The following SNTG2 variants were observed in gnomAD, a reference collection of about 807,000 sequenced individuals.
SNTG2 encodes the protein gamma-2-syntrophin.
SNTG2 carries 74 observed loss-of-function variants against 70.9 expected under a neutral mutation model. The ratio of observed to expected loss-of-function variants is 1.04; its 90% confidence interval spans 0.86 to 1.27. The LOEUF is 1.27. SNTG2 is among the 50% of genes most tolerant of loss of function. The pLI is 0.00. For missense variants in SNTG2, 717 were observed against 690.7 expected (o/e 1.04, Z -0.43); for synonymous variants, 278 against 273.8 (o/e 1.02, Z -0.15).
At chr2:1,045,722 A>G (rs1661695871) in intron 1 of SNTG2, among the ~76,000 whole-genome samples, 3 of 152,018 alleles carry the variant, frequency 2.0e-5, no homozygotes, top group Non-Finnish European at 4.4e-5. Context: ...TTCTACTTTT[A>G]TTGTGCTGTA....
chr2:1,174,307 T>C (rs1211986371), intron 8 of SNTG2, among the ~76,000 whole-genome samples: 1 of 146,414 alleles, frequency 6.8e-6, no homozygotes, highest in African/African-American at 2.5e-5. Context: ...TATATATATA[T>C]ATGTAAAATT....
intron 16 of SNTG2, among the ~76,000 whole-genome samples, chr2:1,330,228 C>T (rs1204243378): frequency 1.3e-5 from 2 of 152,124 alleles, no homozygotes; most frequent in African/African-American, 4.8e-5. Flanking sequence ...CATGGGTCCC[C>T]TAAAAGGTCA....
chr2:1,260,780 G>A (rs1678372109), intron 13 of SNTG2, among the ~76,000 whole-genome samples: 2 of 152,160 alleles, frequency 1.3e-5, no homozygotes, highest in Non-Finnish European at 2.9e-5. Context: ...CATTTCCACA[G>A]AAGAATTCGT....
intron 1 of SNTG2, among the ~76,000 whole-genome samples, chr2:1,080,092 G>A (rs1038786033): frequency 3.3e-5 from 5 of 152,200 alleles, no homozygotes; most frequent in Non-Finnish European, 1.5e-5. Context: ...CCCCAGGGCG[G>A]TGGCGAGGGG....
chr2:1,014,932 G>A (rs949336969), intron 1 of SNTG2, among the ~76,000 whole-genome samples: 21 of 152,198 alleles, frequency 1.4e-4, no homozygotes, highest in Middle Eastern at 6.8e-3. Flanking sequence ...GCTAGAACCC[G>A]AGGGGCAGCC....
At chr2:1,005,430 G>C (rs1455477502) in intron 1 of SNTG2, among the ~76,000 whole-genome samples, 1 of 152,048 alleles carries the variant, frequency 6.6e-6, no homozygotes, top group Non-Finnish European at 1.5e-5. Flanking sequence ...GTGGGGGTAC[G>C]TGAATTCTCT....
intron 9 of SNTG2, among the ~76,000 whole-genome samples, chr2:1,223,660 G>C (rs1295008254): frequency 6.6e-6 from 1 of 152,224 alleles, no homozygotes; most frequent in Non-Finnish European, 1.5e-5. Flanking sequence ...CATTCGTATT[G>C]GGCCAAATTA....
chr2:1,177,981 T>A (rs1049606161), intron 8 of SNTG2, among the ~76,000 whole-genome samples: 22 of 152,172 alleles, frequency 1.4e-4, no homozygotes, highest in African/African-American at 5.3e-4. Flanking sequence ...CTTATCATTT[T>A]GTTGTTGTTC....
rs545012218 is a variant in SNTG2, at chr2:1,302,324, A to T, written c.1285-6170A>T. Among the ~76,000 whole-genome samples, 47 of 152,258 alleles carry T rather than the reference A, an allele frequency of 3.1e-4. 1 individual carries two copies. In the South Asian group the frequency reaches 8.9e-3, roughly 29 times the overall value. ...ATAACACTGTCTGATGTGATTCTAAATGTATATGAAGAAACTATTTGAAAT... is the reference window on the plus strand; with the variant it reads ...ATAACACTGTCTGATGTGATTCTAATTGTATATGAAGAAACTATTTGAAAT... On this transcript the variant is annotated intron_variant, in intron 14 of 16. Transcript: ENST00000308624.
intron 8 of SNTG2, among the ~76,000 whole-genome samples, chr2:1,204,263 C>T (rs58594020): frequency 0.025 from 3,782 of 152,286 alleles, 141 homozygotes; most frequent in African/African-American, 0.086. Context: ...ACTCATCAAA[C>T]TGTGCACTTA....
intron 9 of SNTG2, among the ~76,000 whole-genome samples, chr2:1,236,411 G>T (rs1168169938): frequency 6.6e-6 from 1 of 152,228 alleles, no homozygotes; most frequent in Non-Finnish European, 1.5e-5. Flanking sequence ...ATCAGAAAGG[G>T]CTGTGCGAAG....
chr2:1,262,712 G>GGAAGGCTCCGTCCAGACGAGGCAACCC (rs1678493863), intron 13 of SNTG2: 1 of 64,934 alleles, frequency 1.5e-5, no homozygotes, highest in South Asian at 4.9e-4. Flanking sequence ...CGAGGCAACC[G>GGAAGGCTCCGTCCAGACGAGGCAACCC]GAAGGCTCCG....
intron 1 of SNTG2, among the ~76,000 whole-genome samples, chr2:954,006 G>T (rs1660064482): frequency 1.3e-5 from 2 of 152,110 alleles, no homozygotes; most frequent in African/African-American, 4.8e-5. Context: ...TGCATCGCAG[G>T]CCTCCTATTT....
intron 4 of SNTG2, among the ~76,000 whole-genome samples, chr2:1,122,653 G>T (rs1667445871): frequency 6.8e-6 from 1 of 147,764 alleles, no homozygotes; most frequent in Non-Finnish European, 1.5e-5. Flanking sequence ...TCCTCTGCAA[G>T]ACAAGGATGC....
chr2:958,691 CT>C lies in SNTG2; in HGVS notation c.72+7632del, dbSNP rs35896193. ...ATACATTATAATCTAAATAAATGGT[CT>C]TTTTTTTTAAAGTGGTTCATTTGAA... On this transcript the variant is annotated intron_variant, in intron 1 of 16. Coordinates refer to ENST00000308624, the MANE Select transcript of SNTG2 (RefSeq NM_018968.4). Among the ~76,000 whole-genome samples the C allele has an allele frequency of 7.3e-5, 11 of 151,242 alleles. No homozygotes were observed. The East Asian group carries it at 9.7e-4, about 13-fold the overall frequency.
chr2:1,001,916 C>T (rs6548296), intron 1 of SNTG2, among the ~76,000 whole-genome samples: 55,869 of 151,736 alleles, frequency 0.37, 10,801 homozygotes, highest in Middle Eastern at 0.52. Flanking sequence ...TAAAAATAGA[C>T]ATGTAGATCA....
At chr2:1,208,075 A>G (rs938664068) in intron 8 of SNTG2, among the ~76,000 whole-genome samples, 4 of 152,196 alleles carry the variant, frequency 2.6e-5, no homozygotes, top group Non-Finnish European at 5.9e-5. Context: ...CTTCTTGCAG[A>G]CAGATGCTCG....
intron 9 of SNTG2, among the ~76,000 whole-genome samples, chr2:1,221,807 C>CTGCCTA (rs1553361498): frequency 1.2e-4 from 2 of 16,378 alleles, no homozygotes; most frequent in Non-Finnish European, 1.1e-4. Flanking sequence ...GTCTCTGTCT[C>CTGCCTA]TCTCTCGGTC....
intron 2 of SNTG2, among the ~76,000 whole-genome samples, chr2:1,085,262 A>G (rs1221428241): frequency 6.6e-6 from 1 of 152,250 alleles, no homozygotes; most frequent in East Asian, 1.9e-4. Context: ...TTAACTATAG[A>G]AAATCTCAAA....
Sources: allele counts gnomAD v4.1 joint callset (sites outside exome capture counted in the v4.1 genomes callset), GRCh38; gene constraint gnomAD v4.1.1; transcripts MANE v1.5; gene names NCBI Gene and HGNC (gene_info 2026-07-23, HGNC 2026-07-21).